Variants in FARS2 observed in about 807,000 individuals in gnomAD.
FARS2 encodes the protein phenylalanine--tRNA ligase, mitochondrial.
In FARS2, 40 loss-of-function variants were observed where a neutral mutation model predicts 46.4. The ratio of observed to expected loss-of-function variants is 0.86; its 90% CI spans 0.67 to 1.12. FARS2 has a LOEUF of 1.12. Among genes scored for constraint, FARS2 ranks in the 50% most tolerant of loss-of-function variants. The pLI is 0.00. For synonymous variants in FARS2, 234 were observed against 214.9 expected, an observed-to-expected ratio of 1.09 and a Z score of -0.78; for missense variants, 513 against 567.9, an observed-to-expected ratio of 0.90 and a Z score of 0.98.
chr6:5,580,572 C>T (rs570298504), intron 5 of FARS2, among the ~76,000 whole-genome samples: 160 of 152,318 alleles, frequency 1.1e-3, no homozygotes, highest in South Asian at 8.7e-3. Context: ...TCTGCAGCCA[C>T]ATTTGCCTCA....
At chr6:5,307,587 A>G (rs1409503067) in intron 1 of FARS2, among the ~76,000 whole-genome samples, 1 of 152,204 alleles carries the variant, frequency 6.6e-6, no homozygotes, top group African/African-American at 2.4e-5. Context: ...AAAACTAACC[A>G]TATACTACAC....
intron 4 of FARS2, among the ~76,000 whole-genome samples, chr6:5,516,877 G>A (rs1768830410): frequency 6.6e-6 from 1 of 152,174 alleles, no homozygotes; most frequent in Non-Finnish European, 1.5e-5. Flanking sequence ...TCTGAATCTT[G>A]TGAATTCAGT....
At chr6:5,426,842 T>A (rs958278378) in intron 3 of FARS2, among the ~76,000 whole-genome samples, 3 of 152,196 alleles carry the variant, frequency 2.0e-5, no homozygotes, top group Admixed American at 1.3e-4. Context: ...GCAAGGCTGG[T>A]CTCGAACTCC....
intron 4 of FARS2, among the ~76,000 whole-genome samples, chr6:5,467,474 A>G (rs553526144): frequency 5.9e-5 from 9 of 152,166 alleles, no homozygotes; most frequent in Non-Finnish European, 1.2e-4. Context: ...ATAAGATACA[A>G]TAGGTCTGAA....
At chr6:5,514,577 T>G (rs552563914) in intron 4 of FARS2, among the ~76,000 whole-genome samples, 1 of 152,230 alleles carries the variant, frequency 6.6e-6, no homozygotes, top group Admixed American at 6.5e-5. Context: ...AAAGTAATCA[T>G]GGTTTCAGTT....
At chr6:5,692,894 C>A (rs1757847920) in intron 6 of FARS2, among the ~76,000 whole-genome samples, 1 of 152,146 alleles carries the variant, frequency 6.6e-6, no homozygotes, top group Non-Finnish European at 1.5e-5. Flanking sequence ...GCCAACCCTC[C>A]CAAGCTTCAG....
chr6:5,414,780 A>G (rs1762125104), intron 3 of FARS2, among the ~76,000 whole-genome samples: 1 of 150,584 alleles, frequency 6.6e-6, no homozygotes, highest in Admixed American at 6.6e-5. Flanking sequence ...AATAGCTACA[A>G]ATGGAATGGC....
chr6:5,522,476 A>G (rs1049481080), intron 4 of FARS2, among the ~76,000 whole-genome samples: 1 of 152,258 alleles, frequency 6.6e-6, no homozygotes, highest in South Asian at 2.1e-4. Context: ...GACAGCCTGC[A>G]TCATTGTTCC....
rs987439544 is a variant in FARS2 at position 5,277,209 on chromosome 6, T to G, written c.-22+15549T>G. ...AGGGGCTGGTTCACAGTTTTGTTTT[T>G]TTTTTTTCTTTTCTTTTCCCAGATT... On this transcript the variant is annotated intron_variant, in intron 1 of 6. Transcript: ENST00000274680. 4.1e-4 allele frequency among the ~76,000 whole-genome samples: 62 copies of G among 151,958 alleles called. 1 individual carries two copies. Among genetic ancestry groups the G allele is most frequent in the Admixed American group, 3.3e-3 (51 of 15,272 alleles).
At chr6:5,521,851 A>G (rs73356381) in intron 4 of FARS2, among the ~76,000 whole-genome samples, 17,215 of 152,190 alleles carry the variant, frequency 0.11, 1,029 homozygotes, top group Admixed American at 0.16. Flanking sequence ...CTTCTTTATA[A>G]CTGTTTATAA....
At chr6:5,641,058 G>A (rs1162730624) in intron 6 of FARS2, among the ~76,000 whole-genome samples, 1 of 152,180 alleles carries the variant, frequency 6.6e-6, no homozygotes, top group Non-Finnish European at 1.5e-5. Flanking sequence ...AGGCCAGCTT[G>A]TCATCCTCTG....
chr6:5,401,153 A>T (rs1325397594), intron 2 of FARS2, among the ~76,000 whole-genome samples: 1 of 151,940 alleles, frequency 6.6e-6, no homozygotes. Flanking sequence ...TTACTTTCAC[A>T]TTTATTGAGT....
chr6:5,592,522 A>C (rs1463049979), intron 5 of FARS2, among the ~76,000 whole-genome samples: 1 of 152,200 alleles, frequency 6.6e-6, no homozygotes, highest in African/African-American at 2.4e-5. Flanking sequence ...CCTTGAAAAC[A>C]GTGGTGTGAT....
intron 5 of FARS2, among the ~76,000 whole-genome samples, chr6:5,600,205 G>A (rs9328321): frequency 0.34 from 51,547 of 152,106 alleles, 10,905 homozygotes; most frequent in African/African-American, 0.61. Context: ...AAGGTTACCA[G>A]AATGATTGTT....
At chr6:5,669,610 T>G (rs571805700) in intron 6 of FARS2, among the ~76,000 whole-genome samples, 1 of 152,278 alleles carries the variant, frequency 6.6e-6, no homozygotes, top group Non-Finnish European at 1.5e-5. Flanking sequence ...TTTTCGCTCA[T>G]CATATTGCAG....
Position 5,563,084 on chromosome 6 carries a change from A to T in FARS2, c.1065+17744A>T, listed in dbSNP as rs1161291906. Among the ~76,000 whole-genome samples, 5 of 138,324 alleles carry T rather than the reference A, an allele frequency of 3.6e-5. No individual in the cohort carries two copies. In the East Asian group the frequency reaches 1.1e-3, roughly 30 times the overall value. The allele number at this position is 138,324 out of a possible 152,430, so 90.7% of individuals were successfully genotyped here. ...AAGAAGCTCCCCCGTACAGAGACAGAGGGAGGGGGGCTCCAAAGCCAAAAG... is the reference window on the plus strand; with the variant it reads ...AAGAAGCTCCCCCGTACAGAGACAGTGGGAGGGGGGCTCCAAAGCCAAAAG... On this transcript the variant is annotated intron_variant, in intron 5 of 6. Transcript: ENST00000274680.
intron 1 of FARS2, among the ~76,000 whole-genome samples, chr6:5,313,938 G>A (rs919416452): frequency 6.6e-6 from 1 of 152,112 alleles, no homozygotes; most frequent in African/African-American, 2.4e-5. Context: ...GACCTAATTG[G>A]TATGTAGTGT....
intron 3 of FARS2, among the ~76,000 whole-genome samples, chr6:5,426,234 CTTAAT>C (rs1325846217): frequency 2.6e-5 from 4 of 152,152 alleles, no homozygotes; most frequent in Non-Finnish European, 5.9e-5. Flanking sequence ...CATATATGCA[CTTAAT>C]TTTCCTCTAT....
rs1321948931 is a variant in FARS2, at chr6:5,341,223, ATATATATATATATTTTTT to A, written c.-21-27325_-21-27308del. On this transcript the variant is annotated intron_variant, in intron 1 of 6. Coordinates refer to ENST00000274680, the MANE Select transcript of FARS2 (RefSeq NM_006567.5). ...TATATATATATATATATATATATAT[ATATATATATATATTTTTT>A]TTTTTTTTTTTTTTTTCCCTGTGAG... is the stretch of plus-strand genomic sequence containing the variant. Among the ~76,000 whole-genome samples the A allele has an allele frequency of 1.9e-3, 10 of 5,294 alleles. 1 individual carries two copies. The highest frequency in any genetic ancestry group is 8.2e-3 in the South Asian group (1 of 122). The allele number at this position is 5,294 out of a possible 152,430, so 3.5% of individuals were successfully genotyped here. A position where few individuals can be genotyped will look rare whatever the true frequency, so the allele number is the denominator to read the frequency against.
Sources: gnomAD v4.1 joint callset for allele counts (sites outside exome capture counted in the v4.1 genomes callset) on GRCh38, gnomAD v4.1.1 for gene constraint, MANE v1.5 for transcripts, NCBI Gene and HGNC (gene_info 2026-07-23, HGNC 2026-07-21) for gene names.